Variants in NFE2L1 observed in about 807,000 individuals in gnomAD.
NFE2L1 encodes NFE2 like bZIP transcription factor 1.
In NFE2L1, 18 loss-of-function variants were observed where a neutral mutation model predicts 61.6. The observed-to-expected ratio is 0.29, with a 90% CI of 0.20 to 0.43. The LOEUF is 0.43. Ranked by LOEUF, NFE2L1 falls within the 20% of genes least tolerant of loss-of-function variation. The probability of loss-of-function intolerance (pLI) is 1.00; values close to 1 mark genes in which losing one functional copy is unlikely to be tolerated. For synonymous variants in NFE2L1, 419 were observed against 402.7 expected, an observed-to-expected ratio of 1.04 and a Z score of -0.48; for missense variants, 827 against 973.5, an observed-to-expected ratio of 0.85 and a Z score of 2.00.
At position 48,050,914 on chromosome 17, in the gene NFE2L1, G is replaced by A. The variant is rs1045925310; in HGVS notation, c.-205G>A. ...GAGAAGGGAAAGTGAATGTGGTCTG[G>A]AGTGTGTCCTTGGCCTTGGCTCCAC... On this transcript the variant is annotated 5_prime_UTR_variant, in exon 2 of 6. Transcript: ENST00000362042. The A allele has an allele frequency of 8.0e-6, 5 of 626,984 alleles. No individual in the cohort carries two copies. In the African/African-American group the frequency reaches 9.2e-5, roughly 12 times the overall value. The allele number at this position is 626,984 out of a possible 1,614,324, so 38.8% of individuals were successfully genotyped here. A position where few individuals can be genotyped will look rare whatever the true frequency, so the allele number is the denominator to read the frequency against.
Position 48,051,575 on chromosome 17 carries a change from T to C in NFE2L1, c.457T>C (p.Leu153=). The part of the protein sequence containing the change: ...SETEQGFGED[L]EDLGAVAPPV... ...AACGGAGCAGGGATTCGGTGAAGAT[T>C]TGGAGGATTTGGGGGCTGTAGCCCC... The change falls in exon 2 of 6, where the codon TTG becomes CTG. Residue 153 remains leucine, a synonymous_variant. Transcript: ENST00000362042. 3 of 1,614,084 alleles carry C rather than the reference T, an allele frequency of 1.9e-6. No individual in the cohort carries two copies. Among genetic ancestry groups the C allele is most frequent in the Non-Finnish European group, 2.5e-6 (3 of 1,179,994 alleles).
In NFE2L1 at chr17:48,058,990, C is replaced by T; in HGVS notation, c.1668C>T (p.Tyr556=). The T allele has an allele frequency of 1.2e-6, 2 of 1,614,052 alleles. No individual in the cohort carries two copies. The highest frequency in any genetic ancestry group is 1.3e-5 in the African/African-American group (1 of 75,010). The change falls in exon 6 of 6, where the codon TAC becomes TAT. Residue 556 remains tyrosine (Y), a synonymous_variant. Transcript: ENST00000362042. The part of the protein sequence containing the change: ...PEYSKFCRMS[Y]QDPAQLSCLP... Reference sequence around the variant, plus strand: ...ATTCCAAGTTCTGCCGCATGAGCTACCAGGATCCAGCTCAGCTCTCATGCC... The same window carrying T: ...ATTCCAAGTTCTGCCGCATGAGCTATCAGGATCCAGCTCAGCTCTCATGCC...
chr17:48,049,357 A>G (rs1346574470), intron 1 of NFE2L1, among the ~76,000 whole-genome samples: 1 of 151,924 alleles, frequency 6.6e-6, no homozygotes, highest in Non-Finnish European at 1.5e-5. Flanking sequence ...GGCCCCCACC[A>G]TCCCTCTCCT....
intron 2 of NFE2L1, chr17:48,054,371 A>C (rs117419654): frequency 1.6e-4 from 30 of 186,870 alleles, no homozygotes; most frequent in Non-Finnish European, 2.8e-4. Context: ...TCCTTGCGGC[A>C]GCTTCTCCAG....
In NFE2L1 at chr17:48,058,982, A is replaced by G. The variant is rs1172814921; in HGVS notation, c.1660A>G (p.Met554Val). 5 of 1,614,034 alleles carry G rather than the reference A, an allele frequency of 3.1e-6. No individual in the cohort carries two copies. In the South Asian group the frequency reaches 4.4e-5, roughly 14 times the overall value. The change falls in exon 6 of 6, where the codon ATG (methionine) becomes GTG (valine). Residue 554 changes from methionine to valine, a missense_variant. By Grantham distance (21) the Met-to-Val change is conservative (BLOSUM62 1). Transcript: ENST00000362042. The part of the protein sequence containing the change: ...YQPEYSKFCR[M>V]SYQDPAQLSC... ...GCCTGAGTATTCCAAGTTCTGCCGC[A>G]TGAGCTACCAGGATCCAGCTCAGCT...
intron 1 of NFE2L1, among the ~76,000 whole-genome samples, chr17:48,049,996 A>G (rs915177563): frequency 2.0e-5 from 3 of 152,212 alleles, no homozygotes; most frequent in Non-Finnish European, 4.4e-5. Context: ...ACAAAGGTGT[A>G]AGATATTTTG....
At chr17:48,055,208 G>C in intron 2 of NFE2L1, 11 of 1,285,618 alleles carry the variant, frequency 8.6e-6, no homozygotes, top group Admixed American at 8.0e-5. Flanking sequence ...GGTCAGGGGG[G>C]GTTAATGGGA....
intron 2 of NFE2L1, chr17:48,054,979 C>T: frequency 3.4e-6 from 5 of 1,487,906 alleles, no homozygotes; most frequent in Non-Finnish European, 4.4e-6. Context: ...CCCTGTCCGG[C>T]TTCCCGGCAC....
intron 2 of NFE2L1, chr17:48,055,913 GA>G (rs902533559): frequency 1.2e-5 from 2 of 163,134 alleles, no homozygotes; most frequent in African/African-American, 4.8e-5. Context: ...TTATGCAAAT[GA>G]AATGGTACCA....
At position 48,058,788 on chromosome 17, in the gene NFE2L1, C is replaced by T. The variant is rs774621946; in HGVS notation, c.1466C>T (p.Ser489Phe). Residue 489 changes from serine (S) to phenylalanine (F), a missense_variant, in exon 6 of 6, where the codon TCC (serine) becomes TTC (phenylalanine). Physicochemically the swap from Ser to Phe is radical, Grantham distance 155. Coordinates refer to ENST00000362042, the MANE Select transcript of NFE2L1 (RefSeq NM_003204.3). ...TTAGACTCGAGCCATAGCCCTTCTT[C>T]CCTAAGCAGCTCTGAAGGCAGTTCT... ...LSLDSSHSPS[S>F]LSSSEGSSSS... 9.3e-6 allele frequency: 15 copies of T among 1,614,102 alleles called. No individual in the cohort carries two copies. In the African/African-American group the frequency reaches 1.1e-4, roughly 11 times the overall value.
intron 5 of NFE2L1, 52 bp from the exon 6 acceptor site, chr17:48,058,243 C>T (rs2037451045): frequency 3.3e-6 from 5 of 1,520,534 alleles, no homozygotes; most frequent in Non-Finnish European, 4.4e-6. Context: ...GTGTGAGCCC[C>T]AGGGGAGGGA....
At position 48,058,615 on chromosome 17, in the gene NFE2L1, C is replaced by G. The variant is rs771744292; in HGVS notation, c.1293C>G (p.Gly431=). ...QLNGTANDTA[G]PELPDPLGGL... ...ATGGCACAGCCAATGACACAGCAGG[C>G]CCAGAGCTGCCTGACCCTTTGGGGG... The change falls in exon 6 of 6, where the codon GGC becomes GGG. Residue 431 remains glycine, a synonymous_variant. Transcript: ENST00000362042. 2 of 1,614,036 alleles carry G rather than the reference C, an allele frequency of 1.2e-6. No individual in the cohort carries two copies. The highest frequency in any genetic ancestry group is 2.7e-5 in the African/African-American group (2 of 75,046).
At chr17:48,050,478 CA>C (rs200432684) in intron 1 of NFE2L1, 128 bp from the exon 2 acceptor site, 21,833 of 312,844 alleles carry the variant, frequency 0.07, no homozygotes, top group East Asian at 0.096. Context: ...GACTCTGTCT[CA>C]AAAAAAAAAA....
rs201889227 is a variant in NFE2L1 at position 48,059,546 on chromosome 17, T to C, written c.2224T>C (p.Tyr742His). ...PYSPSQYALQ[Y>H]AGDGSVLLIP... The stretch of plus-strand genomic sequence containing the variant: ...CTCGCCCAGTCAGTATGCGCTCCAG[T>C]ACGCCGGGGACGGCAGTGTCCTCCT... The change falls in exon 6 of 6, where the codon TAC (tyrosine) becomes CAC (histidine). Residue 742 changes from tyrosine to histidine, a missense_variant. By Grantham distance (83) the Tyr-to-His change is moderately conservative. Transcript: ENST00000362042. This position sits in a 1 kb window ranked among gnomAD's most constrained non-coding sequence, Gnocchi z 6.1. 2.7e-4 allele frequency: 440 copies of C among 1,612,290 alleles called. No individual in the cohort carries two copies. The highest frequency in any genetic ancestry group is 3.6e-4 in the Non-Finnish European group (424 of 1,178,858).
chr17:48,050,513 G>A (rs1404330267), intron 1 of NFE2L1, 94 bp from the exon 2 acceptor site: 1 of 398,010 alleles, frequency 2.5e-6, no homozygotes, highest in South Asian at 1.3e-4. Flanking sequence ...CTTTGAATGT[G>A]TTTTCTACCT....
chr17:48,055,715 A>G (rs1234052353), intron 2 of NFE2L1, among the ~76,000 whole-genome samples: 1 of 152,048 alleles, frequency 6.6e-6, no homozygotes, highest in Non-Finnish European at 1.5e-5. Flanking sequence ...CTGAGAGGGA[A>G]TTCTGGCGGG....
chr17:48,058,920 T>G lies in NFE2L1; in HGVS notation c.1598T>G (p.Leu533Arg). The stretch of plus-strand genomic sequence containing the variant: ...GGCTACAGCTCTGACTCTGAGACCC[T>G]GGATCTGGAAGAGGCCGAGGGTGCT... Reference protein sequence around the residue: ...AVGYSSDSETLDLEEAEGAVG... With the variant: ...AVGYSSDSETRDLEEAEGAVG... The change falls in exon 6 of 6, where the codon CTG becomes CGG. Residue 533 changes from leucine (L) to arginine (R), a missense_variant. This residue lies in a region of NFE2L1 where 667 missense variants were observed against 748.4 expected (regional missense o/e 0.89). Coordinates refer to ENST00000362042, the MANE Select transcript of NFE2L1 (RefSeq NM_003204.3). The G allele has an allele frequency of 6.2e-7, 1 of 1,613,950 alleles. No individual in the cohort carries two copies. The highest frequency in any genetic ancestry group is 8.5e-7 in the Non-Finnish European group (1 of 1,180,026).
chr17:48,057,076 C>T lies in NFE2L1; in HGVS notation c.768C>T (p.Cys256=), dbSNP rs2037420975. Reference sequence around the variant, plus strand: ...AGACGGCCCTGTCCCTGGAAGAGTGCCTTAGGCTGCTGGAAGCCACCTGCC... The same window carrying T: ...AGACGGCCCTGTCCCTGGAAGAGTGTCTTAGGCTGCTGGAAGCCACCTGCC... ...EDQTALSLEE[C]LRLLEATCPF... Residue 256 remains cysteine (C), a synonymous_variant, in exon 4 of 6, where the codon TGC becomes TGT. Coordinates refer to ENST00000362042, the MANE Select transcript of NFE2L1 (RefSeq NM_003204.3). 1.2e-6 allele frequency: 2 copies of T among 1,613,342 alleles called. No individual in the cohort carries two copies. The highest frequency in any genetic ancestry group is 2.7e-5 in the African/African-American group (2 of 74,884).
chr17:48,058,331 T>C lies in NFE2L1; in HGVS notation c.1009T>C (p.Tyr337His), dbSNP rs1368939577. Residue 337 changes from tyrosine to histidine, a missense_variant, in exon 6 of 6, where the codon TAC becomes CAC. Around this residue, in one of 3 missense-constraint regions of NFE2L1, gnomAD observed 667 missense variants for 748.4 expected, o/e 0.89. Coordinates refer to ENST00000362042, the MANE Select transcript of NFE2L1 (RefSeq NM_003204.3). ...GAACACATCAGCAAGTGAAATCCTG[T>C]ACAGTGCCCCTCCTGGAGACCCACT... ...EVNTSASEIL[Y>H]SAPPGDPLST... is the part of the protein sequence containing the mutation. The C allele has an allele frequency of 6.2e-7, 1 of 1,610,302 alleles. No homozygotes were observed. Among genetic ancestry groups the C allele is most frequent in the African/African-American group, 1.3e-5 (1 of 74,998 alleles).
Sources: gnomAD v4.1 joint callset for allele counts (sites outside exome capture counted in the v4.1 genomes callset) on GRCh38, gnomAD v4.1.1 for gene constraint, gnomAD v4.1.1 regional missense constraint, Gnocchi (gnomAD v3.1) non-coding constraint, MANE v1.5 for transcripts, NCBI Gene and HGNC (gene_info 2026-07-23, HGNC 2026-07-21) for gene names.